Variants in OTOF observed in about 807,000 individuals in gnomAD.
OTOF encodes otoferlin.
A neutral mutation model predicts 236.8 loss-of-function variants in OTOF; 218 were observed. That is an observed-to-expected ratio of 0.92 (90% CI 0.82 to 1.03). OTOF has a LOEUF of 1.03. Among genes scored for constraint, OTOF ranks in the 50% least tolerant of loss-of-function variants. OTOF has a pLI of 0.00. For missense variants in OTOF, 2,590 were observed against 2,694.4 expected (o/e 0.96, Z 0.86); for synonymous variants, 1,041 against 1,072.5 (o/e 0.97, Z 0.57).
rs772384195 is a variant in OTOF at position 26,466,862 on chromosome 2, C to G, written c.4363-11G>C. ...CACGCAGAGGGAGCCCTGGGCAAGACAAATGTGGGTCAGGGTGTAGGTTTG... is the reference window on the plus strand; with the variant it reads ...CACGCAGAGGGAGCCCTGGGCAAGAGAAATGTGGGTCAGGGTGTAGGTTTG... On this transcript the variant is annotated splice_polypyrimidine_tract_variant and intron_variant, in intron 35 of 46. Coordinates refer to ENST00000272371, the MANE Select transcript of OTOF (RefSeq NM_194248.3). 7 of 1,614,146 alleles carry G rather than the reference C, an allele frequency of 4.3e-6. No homozygotes were observed. The highest frequency in any genetic ancestry group is 1.7e-5 in the Admixed American group (1 of 60,022).
At chr2:26,475,630 C>T in intron 24 of OTOF, 137 bp from the exon 25 acceptor site, 1 of 1,062,500 alleles carries the variant, frequency 9.4e-7, no homozygotes, top group Non-Finnish European at 1.4e-6. Flanking sequence ...TTCCAGAAAT[C>T]TTAAAATCAA....
intron 3 of OTOF, among the ~76,000 whole-genome samples, chr2:26,524,702 A>T (rs1666759639): frequency 6.6e-6 from 1 of 152,208 alleles, no homozygotes; most frequent in African/African-American, 2.4e-5. Context: ...AATGTCTTCC[A>T]TGCCCTCAGT....
intron 1 of OTOF, among the ~76,000 whole-genome samples, chr2:26,544,013 G>T (rs111750673): frequency 1.3e-5 from 2 of 152,218 alleles, no homozygotes; most frequent in African/African-American, 2.4e-5. Context: ...GGGCCACTGC[G>T]CCCAGCTTGC....
At chr2:26,542,560 C>T (rs185050574) in intron 1 of OTOF, among the ~76,000 whole-genome samples, 6 of 152,286 alleles carry the variant, frequency 3.9e-5, no homozygotes, top group East Asian at 1.9e-4. Flanking sequence ...CACGCATTGA[C>T]GCTAGAAGAC....
chr2:26,475,668 C>A (rs1306077972), intron 24 of OTOF, among the ~76,000 whole-genome samples, 175 bp from the exon 25 acceptor site: 1 of 152,206 alleles, frequency 6.6e-6, no homozygotes, highest in Non-Finnish European at 1.5e-5. Flanking sequence ...GCCCAAGCCC[C>A]CTGCCAATGT....
In OTOF at chr2:26,472,612, C is replaced by G. The variant is rs1339877637; in HGVS notation, c.3771G>C (p.Gly1257=). Residue 1257 remains glycine, a synonymous_variant, in exon 30 of 47, where the codon GGG becomes GGC. Coordinates refer to ENST00000272371, the MANE Select transcript of OTOF (RefSeq NM_194248.3). ...LLRRCRVLCN[G]GSSSHSTGEV... Reference sequence around the variant, plus strand: ...CCCCTGTGGAGTGAGAGGAGGAGCCCCCATTGCACAGCACACGGCAGCGCC... The same window carrying G: ...CCCCTGTGGAGTGAGAGGAGGAGCCGCCATTGCACAGCACACGGCAGCGCC... 6.2e-7 allele frequency: 1 copy of G among 1,613,222 alleles called. No individual in the cohort carries two copies. Among genetic ancestry groups the G allele is most frequent in the Admixed American group, 1.7e-5 (1 of 59,998 alleles).
At chr2:26,536,357 A>T (rs1667069496) in intron 2 of OTOF, among the ~76,000 whole-genome samples, 1 of 152,062 alleles carries the variant, frequency 6.6e-6, no homozygotes, top group African/African-American at 2.4e-5. Context: ...AAGGACAGAA[A>T]CTTCCTTAGC....
intron 2 of OTOF, among the ~76,000 whole-genome samples, chr2:26,533,127 G>A (rs1480399234): frequency 6.6e-6 from 1 of 152,188 alleles, no homozygotes; most frequent in East Asian, 1.9e-4. Flanking sequence ...TCTCATAGGA[G>A]TGTGAACCCT....
chr2:26,492,793 C>A (rs1665881464), intron 9 of OTOF, among the ~76,000 whole-genome samples: 1 of 152,222 alleles, frequency 6.6e-6, no homozygotes, highest in Non-Finnish European at 1.5e-5. Flanking sequence ...AAGGGGAGTG[C>A]TGACCTCTGA....
Position 26,482,570 on chromosome 2 carries a change from CT to C in OTOF, c.1414del (p.Ser472AlafsTer24). ...CTCATTCCACAGGGGCTCATAGCTG[CT>C]CTTCTGCACTGAAGTCTTGCCCTGG... ...GQKGKTSVQK[S>X]SYEPLWNEQV... On this transcript the variant is annotated frameshift_variant, in exon 14 of 47. Transcript: ENST00000272371. LOFTEE classifies it high-confidence loss of function. 6.2e-7 allele frequency: 1 copy of C among 1,613,240 alleles called. No homozygotes were observed. Among genetic ancestry groups the C allele is most frequent in the Non-Finnish European group, 8.5e-7 (1 of 1,179,876 alleles).
Position 26,516,468 on chromosome 2 carries a change from G to A in OTOF, c.459C>T (p.Leu153=). ...GCCGGGAGCTGGGCCGGGAGCCTGG[G>A]AGCAGTCCATCCGTCTCTTGGCTGT... is the stretch of plus-strand genomic sequence containing the variant. The part of the protein sequence containing the change: ...EKDSQETDGL[L]PGSRPSSRPP... Residue 153 remains leucine, a synonymous_variant, in exon 5 of 47, where the codon CTC becomes CTT. Transcript: ENST00000272371. The A allele has an allele frequency of 6.2e-7, 1 of 1,613,938 alleles. No individual in the cohort carries two copies.
Position 26,472,558 on chromosome 2 carries a change from T to C in OTOF, c.3825A>G (p.Val1275=). The C allele has an allele frequency of 6.2e-7, 1 of 1,613,480 alleles. No individual in the cohort carries two copies. Among genetic ancestry groups the C allele is most frequent in the African/African-American group, 1.3e-5 (1 of 75,038 alleles). The change falls in exon 30 of 47, where the codon GTA becomes GTG. Residue 1275 remains valine, a synonymous_variant. Coordinates refer to ENST00000272371, the MANE Select transcript of OTOF (RefSeq NM_194248.3). ...CCATGGTCTCCAGTTTCTTGATGGGTACCTCTGGCTCCATAGTCACCACAA... is the reference window on the plus strand; with the variant it reads ...CCATGGTCTCCAGTTTCTTGATGGGCACCTCTGGCTCCATAGTCACCACAA... ...GEVVVTMEPE[V]PIKKLETMVK... is the part of the protein sequence containing the mutation.
intron 24 of OTOF, 100 bp from the exon 25 acceptor site, chr2:26,475,593 G>A: frequency 7.6e-7 from 1 of 1,315,198 alleles, no homozygotes; most frequent in Non-Finnish European, 1.1e-6. Context: ...CGGAACCTGG[G>A]GGCAGGAGTG....
At chr2:26,495,244 C>T (rs1426447642) in intron 8 of OTOF, among the ~76,000 whole-genome samples, 171 bp from the exon 9 acceptor site, 2 of 152,024 alleles carry the variant, frequency 1.3e-5, no homozygotes, top group Non-Finnish European at 2.9e-5. Context: ...GTGATCCTGG[C>T]TCTTTCTCCT....
In OTOF at chr2:26,462,261, G is replaced by T. The variant is rs1664503509; in HGVS notation, c.5193-80C>A. 8.2e-7 allele frequency: 1 copy of T among 1,221,202 alleles called. No individual in the cohort carries two copies. Among genetic ancestry groups the T allele is most frequent in the Non-Finnish European group, 1.2e-6 (1 of 824,472 alleles). 75.6% of individuals were successfully genotyped at this position (1,221,202 alleles called of 1,614,324 possible). On this transcript the variant is annotated intron_variant, in intron 41 of 46. Coordinates refer to ENST00000272371, the MANE Select transcript of OTOF (RefSeq NM_194248.3). This position sits in a 1 kb window ranked among gnomAD's most constrained non-coding sequence, Gnocchi z 4.7. Reference sequence around the variant, plus strand: ...GTGCCAGGGCTGGGATGGGGCAGGCGGAGAGAAGCCCTGGGGTCTTGGGGT... The same window carrying T: ...GTGCCAGGGCTGGGATGGGGCAGGCTGAGAGAAGCCCTGGGGTCTTGGGGT...
At chr2:26,556,448 T>C (rs1464069601) in intron 1 of OTOF, among the ~76,000 whole-genome samples, 1 of 152,204 alleles carries the variant, frequency 6.6e-6, no homozygotes, top group Non-Finnish European at 1.5e-5. Context: ...CATCTGCCTA[T>C]TCCTGCTGCC....
chr2:26,504,903 C>G (rs772738237), intron 5 of OTOF, among the ~76,000 whole-genome samples: 1 of 152,192 alleles, frequency 6.6e-6, no homozygotes, highest in Non-Finnish European at 1.5e-5. Flanking sequence ...ACCTGGAGCT[C>G]GCTTACAGCA....
At position 26,476,006 on chromosome 2, in the gene OTOF, A is replaced by T; in HGVS notation, c.2899T>A (p.Tyr967Asn). The change falls in exon 24 of 47, where the codon TAC (tyrosine) becomes AAC (asparagine). Residue 967 changes from tyrosine (Y) to asparagine (N), a missense_variant. Coordinates refer to ENST00000272371, the MANE Select transcript of OTOF (RefSeq NM_194248.3). ...KQAFQLRAHM[Y>N]QARSLFAADS... ...GCGGCAAAGAGGCTGCGGGCCTGGT[A>T]CATGTGCGCTCGGAGCTGGAACGCC... The T allele has an allele frequency of 6.2e-7, 1 of 1,612,674 alleles. No individual in the cohort carries two copies.
chr2:26,459,745 A>G (rs1344341001), intron 46 of OTOF, among the ~76,000 whole-genome samples: 2 of 152,150 alleles, frequency 1.3e-5, no homozygotes, highest in African/African-American at 4.8e-5. Flanking sequence ...AGTGTAAAAT[A>G]GTCATTTCTA....
Sources: gnomAD v4.1 joint callset for allele counts (sites outside exome capture counted in the v4.1 genomes callset) on GRCh38, gnomAD v4.1.1 for gene constraint, Gnocchi (gnomAD v3.1) non-coding constraint, MANE v1.5 for transcripts, NCBI Gene and HGNC (gene_info 2026-07-23, HGNC 2026-07-21) for gene names.